The following SDK2 variants were observed in gnomAD, a reference collection of about 807,000 sequenced individuals.
SDK2 encodes protein sidekick-2.
Under a neutral mutation model 253.9 loss-of-function variants are expected in SDK2, and 105 were observed. The ratio of observed to expected loss-of-function variants is 0.41; its 90% CI spans 0.35 to 0.49. The LOEUF is 0.49. Among genes scored for constraint, SDK2 ranks in the 20% least tolerant of loss-of-function variants. The pLI is 0.06. For missense variants in SDK2, 2,608 were observed against 3,003.0 expected (o/e 0.87, Z 3.07); for synonymous variants, 1,249 against 1,234.9 (o/e 1.01, Z -0.24).
intron 7 of SDK2, 43 bp from the exon 8 acceptor site, chr17:73,437,865 G>C: frequency 1.2e-6 from 2 of 1,609,694 alleles, no homozygotes; most frequent in South Asian, 2.2e-5. Flanking sequence ...AGCCATGCTC[G>C]CTTTGATCCA....
At chr17:73,516,161 T>C (rs75474775) in intron 1 of SDK2, among the ~76,000 whole-genome samples, 2,256 of 152,328 alleles carry the variant, frequency 0.015, 63 homozygotes, top group African/African-American at 0.05. Flanking sequence ...AATTGGGTCT[T>C]GCCTGGGATG....
At chr17:73,637,339 C>G (rs2046344555) in intron 1 of SDK2, among the ~76,000 whole-genome samples, 1 of 152,154 alleles carries the variant, frequency 6.6e-6, no homozygotes, top group African/African-American at 2.4e-5. Context: ...GTGATCCACT[C>G]TAATGAATGG....
chr17:73,389,286 C>A (rs7223655), intron 29 of SDK2, among the ~76,000 whole-genome samples: 2 of 148,662 alleles, frequency 1.3e-5, no homozygotes, highest in Admixed American at 6.8e-5. Flanking sequence ...CAGGTTCAAG[C>A]GATTCTTTTG....
chr17:73,363,096 G>A (rs1599485595), intron 38 of SDK2, among the ~76,000 whole-genome samples: 2 of 152,064 alleles, frequency 1.3e-5, no homozygotes, highest in Non-Finnish European at 2.9e-5. Flanking sequence ...TAATATTATC[G>A]TTTTGAGGTG....
At position 73,391,458 on chromosome 17, in the gene SDK2, G is replaced by T. The variant is rs1368028526; in HGVS notation, c.3979C>A (p.Pro1327Thr). The change falls in exon 28 of 45, where the codon CCC (proline) becomes ACC (threonine). Residue 1327 changes from proline (P) to threonine (T), a missense_variant. Coordinates refer to ENST00000392650, the MANE Select transcript of SDK2 (RefSeq NM_001144952.2). ...GGCTTACCAAGAATGATGCCATTGG[G>T]GGCGGCAGGGGGCTGCCAGATCAGC... The part of the protein sequence containing the change: ...VRLIWQPPAA[P>T]NGIILAYQIT... The T allele has an allele frequency of 7.6e-7, 1 of 1,309,844 alleles. No homozygotes were observed. 81.1% of individuals were successfully genotyped at this position (1,309,844 alleles called of 1,614,324 possible). A position where few individuals can be genotyped will look rare whatever the true frequency, so the allele number is the denominator to read the frequency against.
At chr17:73,553,036 C>T (rs559859473) in intron 1 of SDK2, among the ~76,000 whole-genome samples, 7 of 152,350 alleles carry the variant, frequency 4.6e-5, no homozygotes, top group South Asian at 2.1e-4. Flanking sequence ...GTAGGGCAGA[C>T]GGCTGCAGCG....
Position 73,447,615 on chromosome 17 carries a change from T to G in SDK2, c.613A>C (p.Asn205His), listed in dbSNP as rs1198472006. The G allele has an allele frequency of 1.3e-6, 2 of 1,551,900 alleles. No individual in the cohort carries two copies. The highest frequency in any genetic ancestry group is 2.0e-5 in the Admixed American group (1 of 51,010). The change falls in exon 5 of 45, where the codon AAT (asparagine) becomes CAT (histidine). Residue 205 changes from asparagine to histidine, a missense_variant and splice_region_variant. Physicochemically the swap from Asn to His is moderately conservative, Grantham distance 68 (BLOSUM62 1). This residue lies in a region of SDK2 where 1,505 missense variants were observed against 1,859.1 expected (regional missense o/e 0.81). Transcript: ENST00000392650. The surrounding 1 kb of genome is among the most constrained non-coding windows in gnomAD (Gnocchi z 4.0). The part of the protein sequence containing the change: ...TSQPITLTVE[N>H]VGGPADPIAP... ...CGGTCCCGGCCCTGTGCGTACTTAC[T>G]CTCCACGGTGAGCGTGATGGGCTGG... is the stretch of plus-strand genomic sequence containing the variant.
In SDK2 at chr17:73,361,876, C is replaced by G; in HGVS notation, c.5306-31G>C. 1 of 1,543,632 alleles carries G rather than the reference C, an allele frequency of 6.5e-7. No homozygotes were observed. The highest frequency in any genetic ancestry group is 8.8e-7 in the Non-Finnish European group (1 of 1,136,796). On this transcript the variant is annotated intron_variant, in intron 38 of 44. Transcript: ENST00000392650. This position sits in a 1 kb window ranked among gnomAD's most constrained non-coding sequence, Gnocchi z 4.1. ...GGAGGCACAGCAAGTGGGGACTGGG[C>G]ACAGGGCCCACCGAGGGCACTGGAG...
intron 1 of SDK2, among the ~76,000 whole-genome samples, chr17:73,538,027 G>A (rs2044806824): frequency 6.6e-6 from 1 of 152,168 alleles, no homozygotes; most frequent in Non-Finnish European, 1.5e-5. Flanking sequence ...TTTCCATTCT[G>A]CAGATGGTAG....
At chr17:73,520,330 G>A (rs558189686) in intron 1 of SDK2, 1 of 152,366 alleles carries the variant, frequency 6.6e-6, no homozygotes, top group African/African-American at 2.4e-5. Flanking sequence ...GAGGTCTGGT[G>A]GCCCACTGCC....
intron 1 of SDK2, among the ~76,000 whole-genome samples, chr17:73,633,798 GGGA>G (rs1179258232): frequency 6.6e-6 from 1 of 152,164 alleles, no homozygotes; most frequent in Non-Finnish European, 1.5e-5. Flanking sequence ...TGGAACAACT[GGGA>G]GGAGGAGTCC....
chr17:73,371,913 T>C (rs559111105), intron 36 of SDK2, among the ~76,000 whole-genome samples: 2 of 149,382 alleles, frequency 1.3e-5, no homozygotes, highest in South Asian at 4.2e-4. Flanking sequence ...TGAGCTGAGA[T>C]AGCACCACTG....
chr17:73,501,169 G>A (rs896368268), intron 2 of SDK2, among the ~76,000 whole-genome samples: 99 of 152,188 alleles, frequency 6.5e-4, no homozygotes, highest in African/African-American at 2.2e-3. Flanking sequence ...AGACAGGCTC[G>A]TGACTAACTG....
chr17:73,553,918 G>A (rs1599673947), intron 1 of SDK2, among the ~76,000 whole-genome samples: 2 of 152,272 alleles, frequency 1.3e-5, no homozygotes, highest in Admixed American at 1.3e-4. Flanking sequence ...GAGATACCTA[G>A]CAGCCCCAAC....
At chr17:73,421,092 CTGT>C (rs762698354) in intron 15 of SDK2, among the ~76,000 whole-genome samples, 3 of 152,236 alleles carry the variant, frequency 2.0e-5, no homozygotes, top group Non-Finnish European at 4.4e-5. Flanking sequence ...TTCAGCCTCT[CTGT>C]TGTTGGGATT....
intron 43 of SDK2, among the ~76,000 whole-genome samples, chr17:73,349,603 G>T (rs1278408527): frequency 1.3e-5 from 2 of 152,228 alleles, no homozygotes; most frequent in Non-Finnish European, 2.9e-5. Flanking sequence ...GGGTTAGAAA[G>T]AAGTCAGAAG....
At chr17:73,438,572 C>A (rs2145626721) in intron 6 of SDK2, among the ~76,000 whole-genome samples, 1 of 152,166 alleles carries the variant, frequency 6.6e-6, no homozygotes, top group East Asian at 1.9e-4. Context: ...AAGGTGAGGG[C>A]AAGTGACAGA....
At chr17:73,458,525 G>T (rs939465720) in intron 3 of SDK2, among the ~76,000 whole-genome samples, 2 of 152,176 alleles carry the variant, frequency 1.3e-5, no homozygotes, top group Non-Finnish European at 2.9e-5. Flanking sequence ...AGCCATGCTG[G>T]CCCCTTGGCA....
intron 18 of SDK2, among the ~76,000 whole-genome samples, chr17:73,412,720 A>T (rs1484323112): frequency 1.3e-5 from 2 of 151,930 alleles, no homozygotes; most frequent in Non-Finnish European, 2.9e-5. Context: ...GTCTGAGACC[A>T]GCCTGGCCAA....
Sources: allele counts gnomAD v4.1 joint callset (sites outside exome capture counted in the v4.1 genomes callset), GRCh38; gene constraint gnomAD v4.1.1; regional missense constraint gnomAD v4.1.1; non-coding constraint Gnocchi (gnomAD v3.1); transcripts MANE v1.5; gene names NCBI Gene and HGNC (gene_info 2026-07-23, HGNC 2026-07-21).